The following RFX6 variants were observed in gnomAD, a reference collection of about 807,000 sequenced individuals.
RFX6 encodes DNA-binding protein RFX6.
RFX6 carries 50 observed loss-of-function variants against 110.8 expected under a neutral mutation model. The observed-to-expected ratio is 0.45, with a 90% CI of 0.36 to 0.57. The LOEUF is 0.57. RFX6 is among the 20% of genes least tolerant of loss of function. The probability of loss-of-function intolerance (pLI) is 0.00; values close to 1 mark genes in which losing one functional copy is unlikely to be tolerated. For missense variants in RFX6, 990 were observed against 1,127.0 expected, an observed-to-expected ratio of 0.88 and a Z score of 1.74; for synonymous variants, 383 against 411.2, an observed-to-expected ratio of 0.93 and a Z score of 0.83.
rs113130726 is a variant in RFX6, at chr6:116,923,070, C to T, written c.1438-37C>T. 3.2e-4 allele frequency: 345 copies of T among 1,089,182 alleles called. 1 individual carries two copies. In the African/African-American group the frequency reaches 4.2e-3, roughly 13 times the overall value. The allele number at this position is 1,089,182 out of a possible 1,614,324, so 67.5% of individuals were successfully genotyped here. A position where few individuals can be genotyped will look rare whatever the true frequency, so the allele number is the denominator to read the frequency against. On this transcript the variant is annotated intron_variant, in intron 13 of 18. Coordinates refer to ENST00000332958, the MANE Select transcript of RFX6 (RefSeq NM_173560.4). ...CAGGATGCATGTAGTACTGAGAGGA[C>T]GGATTTTATAGTTTCATTTTGTTCC...
intron 16 of RFX6, 68 bp downstream of exon 16, chr6:116,925,727 A>G: frequency 9.8e-7 from 1 of 1,025,018 alleles, no homozygotes; most frequent in Admixed American, 1.9e-5. Flanking sequence ...TTTTTCTTAA[A>G]ACTCATAACT....
chr6:116,931,440 A>G lies in RFX6; in HGVS notation c.2721A>G (p.Arg907=). Residue 907 remains arginine (R), a synonymous_variant, in exon 19 of 19, where the codon AGA becomes AGG. Coordinates refer to ENST00000332958, the MANE Select transcript of RFX6 (RefSeq NM_173560.4). ...TGGACTCCCATGGAACAAGCAGTAG[A>G]GAAATGGTGTCCTCTTTACCACCTA... ...ETLDSHGTSS[R]EMVSSLPPIN... is the part of the protein sequence containing the mutation. 6.8e-6 allele frequency: 11 copies of G among 1,613,494 alleles called. No homozygotes were observed. Among genetic ancestry groups the G allele is most frequent in the Non-Finnish European group, 9.3e-6 (11 of 1,179,446 alleles).
In RFX6 at chr6:116,925,581, C is replaced by T. The variant is rs1291103002; in HGVS notation, c.1807C>T (p.Pro603Ser). Residue 603 changes from proline (P) to serine (S), a missense_variant, in exon 16 of 19, where the codon CCA (proline) becomes TCA (serine). Transcript: ENST00000332958. ...CGTGGAGACAACCTATCTCCCTCTG[C>T]CATCCAGTCAACCTGGAGGCCTAGG... Reference protein sequence around the residue: ...SHVETTYLPLPSSQPGGLGPA... With the variant: ...SHVETTYLPLSSSQPGGLGPA... 6.2e-7 allele frequency: 1 copy of T among 1,613,814 alleles called. No individual in the cohort carries two copies. Among genetic ancestry groups the T allele is most frequent in the Non-Finnish European group, 8.5e-7 (1 of 1,179,790 alleles).
chr6:116,880,532 C>T lies in RFX6; in HGVS notation c.381-12C>T. The T allele has an allele frequency of 6.2e-7, 1 of 1,610,724 alleles. No individual in the cohort carries two copies. The highest frequency in any genetic ancestry group is 1.1e-5 in the South Asian group (1 of 90,752). On this transcript the variant is annotated splice_polypyrimidine_tract_variant and intron_variant, in intron 2 of 18. Coordinates refer to ENST00000332958, the MANE Select transcript of RFX6 (RefSeq NM_173560.4). Reference sequence around the variant, plus strand: ...TAAAATATTTGACCTAATTTTTGTTCCTTTTTCTTAGGCTTGAAGAGAATT... The same window carrying T: ...TAAAATATTTGACCTAATTTTTGTTTCTTTTTCTTAGGCTTGAAGAGAATT...
intron 6 of RFX6, among the ~76,000 whole-genome samples, chr6:116,896,260 A>G (rs948275080): frequency 6.6e-6 from 1 of 152,180 alleles, no homozygotes; most frequent in Admixed American, 6.5e-5. Flanking sequence ...AAAGAAAAAT[A>G]TTTCTCAAGT....
chr6:116,926,574 G>T (rs1775739369), intron 16 of RFX6, among the ~76,000 whole-genome samples: 1 of 152,150 alleles, frequency 6.6e-6, no homozygotes, highest in South Asian at 2.1e-4. Flanking sequence ...AGAGTTGGTG[G>T]CATTCATAAA....
At chr6:116,912,338 A>G (rs1291422103) in intron 7 of RFX6, among the ~76,000 whole-genome samples, 2 of 151,118 alleles carry the variant, frequency 1.3e-5, no homozygotes, top group Non-Finnish European at 2.9e-5. Flanking sequence ...CTAAAATACA[A>G]GTTGGAAAAA....
At chr6:116,912,638 A>C (rs771157024) in intron 7 of RFX6, among the ~76,000 whole-genome samples, 67 of 152,142 alleles carry the variant, frequency 4.4e-4, no homozygotes, top group Non-Finnish European at 8.4e-4. Flanking sequence ...ACTTTTGTGG[A>C]GAGGATTGCT....
rs994247579 is a variant in RFX6 at position 116,880,603 on chromosome 6, C to A, written c.440C>A (p.Ala147Glu). 3.1e-6 allele frequency: 5 copies of A among 1,613,072 alleles called. No individual in the cohort carries two copies. Among genetic ancestry groups the A allele is most frequent in the Non-Finnish European group, 4.2e-6 (5 of 1,179,202 alleles). The change falls in exon 3 of 19, where the codon GCA becomes GAA. Residue 147 changes from alanine to glutamate, a missense_variant. By Grantham distance (107) the Ala-to-Glu change is moderately radical. Coordinates refer to ENST00000332958, the MANE Select transcript of RFX6 (RefSeq NM_173560.4). ...TGCTTACCACGGTGCATTCTTTATG[C>A]ACACTACTTAGATTTCTGTAGGAAA... Reference protein sequence around the residue: ...GVCLPRCILYAHYLDFCRKEK... With the variant: ...GVCLPRCILYEHYLDFCRKEK...
In RFX6 at chr6:116,927,402, C is replaced by T. The variant is rs563217936; in HGVS notation, c.2261C>T (p.Pro754Leu). 1.7e-5 allele frequency: 28 copies of T among 1,614,106 alleles called. No individual in the cohort carries two copies. The East Asian group carries it at 4.9e-4, about 28-fold the overall frequency. ...GGGTCTCCATATAACTCCCGGCCAC[C>T]GTCTAGCTATGGCCCATCCCTGCAA... The part of the protein sequence containing the change: ...CAGSPYNSRP[P>L]SSYGPSLQAQ... The change falls in exon 17 of 19, where the codon CCG (proline) becomes CTG (leucine). Residue 754 changes from proline (P) to leucine (L), a missense_variant. Transcript: ENST00000332958.
intron 6 of RFX6, among the ~76,000 whole-genome samples, chr6:116,902,315 TC>T (rs1334758464): frequency 6.6e-6 from 1 of 151,994 alleles, no homozygotes; most frequent in Non-Finnish European, 1.5e-5. Context: ...TATTATTTTT[TC>T]TCTATATCTT....
chr6:116,911,861 T>C (rs1219944519), intron 7 of RFX6, among the ~76,000 whole-genome samples: 1 of 152,210 alleles, frequency 6.6e-6, no homozygotes, highest in East Asian at 1.9e-4. Context: ...ACTTTAGTAA[T>C]GGGCTTTTTG....
chr6:116,893,859 TGTCAGAAAAGAAAG>T (rs895986659), intron 4 of RFX6, 114 bp from the exon 5 acceptor site: 1 of 723,490 alleles, frequency 1.4e-6, no homozygotes, highest in African/African-American at 1.7e-5. Context: ...ACCTGAAAAA[TGTCAGAAAAGAAAG>T]GTCATCAGGG....
intron 6 of RFX6, among the ~76,000 whole-genome samples, chr6:116,905,556 CTTTTT>C (rs34779403): frequency 7.1e-6 from 1 of 141,104 alleles, no homozygotes; most frequent in African/African-American, 2.6e-5. Context: ...AAAAGTGTTT[CTTTTT>C]TTTTTTTTTT....
intron 4 of RFX6, among the ~76,000 whole-genome samples, chr6:116,893,362 C>G (rs1774871374): frequency 6.6e-6 from 1 of 152,168 alleles, no homozygotes; most frequent in African/African-American, 2.4e-5. Context: ...TGTATTGTGT[C>G]TCATGATCCA....
intron 7 of RFX6, among the ~76,000 whole-genome samples, chr6:116,915,492 C>T (rs1402906189): frequency 6.6e-6 from 1 of 152,052 alleles, no homozygotes; most frequent in Non-Finnish European, 1.5e-5. Flanking sequence ...GTAAGTAGTG[C>T]AGTGAAGGTG....
In RFX6 at chr6:116,919,295, A is replaced by G; in HGVS notation, c.1181A>G (p.Gln394Arg). 1 of 1,613,066 alleles carries G rather than the reference A, an allele frequency of 6.2e-7. No individual in the cohort carries two copies. The highest frequency in any genetic ancestry group is 8.5e-7 in the Non-Finnish European group (1 of 1,179,156). The change falls in exon 11 of 19, where the codon CAG becomes CGG. Residue 394 changes from glutamine (Q) to arginine (R), a missense_variant and splice_region_variant. Transcript: ENST00000332958. The stretch of plus-strand genomic sequence containing the variant: ...CAAACATCTTTCTTACATCTTGCCC[A>G]GGTATGTTGGTTGCTAAGTCGAGAG... ...KRQTSFLHLA[Q>R]IARPALFDQH...
intron 6 of RFX6, among the ~76,000 whole-genome samples, chr6:116,907,298 G>C (rs1316251662): frequency 6.6e-6 from 1 of 152,054 alleles, no homozygotes; most frequent in African/African-American, 2.4e-5. Context: ...AAGTTCATAA[G>C]GGATATTGGT....
chr6:116,929,741 G>A (rs1468237850), intron 18 of RFX6, among the ~76,000 whole-genome samples: 1 of 152,174 alleles, frequency 6.6e-6, no homozygotes, highest in Non-Finnish European at 1.5e-5. Flanking sequence ...TCAAAGCAGA[G>A]TGTTAATATT....
Sources: allele counts gnomAD v4.1 joint callset (sites outside exome capture counted in the v4.1 genomes callset), GRCh38; gene constraint gnomAD v4.1.1; transcripts MANE v1.5; gene names NCBI Gene and HGNC (gene_info 2026-07-23, HGNC 2026-07-21).